Variants in CFAP206 observed in about 807,000 individuals in gnomAD.
CFAP206 encodes the protein cilia and flagella associated protein 206, also known as cilia- and flagella-associated protein 206.
In CFAP206, 53 loss-of-function variants were observed where a neutral mutation model predicts 65.4. The observed-to-expected ratio is 0.81, with a 90% confidence interval of 0.65 to 1.02. The LOEUF is 1.02. Among genes scored for constraint, CFAP206 ranks in the 50% least tolerant of loss-of-function variants. The pLI, the probability that CFAP206 is intolerant of heterozygous loss-of-function variation, is 0.00. For synonymous variants in CFAP206, 250 were observed against 254.4 expected (o/e 0.98, Z 0.17); for missense variants, 663 against 753.2 (o/e 0.88, Z 1.40).
chr6:87,461,195 A>C, intron 12 of CFAP206, 30 bp downstream of exon 12: 4 of 1,438,578 alleles, frequency 2.8e-6, no homozygotes, highest in Non-Finnish European at 3.7e-6. Context: ...AGAATTATTT[A>C]TATGTTGGGG....
At position 87,446,196 on chromosome 6, in the gene CFAP206, CTTTAG is replaced by C. The variant is rs527418592; in HGVS notation, c.1494+11148_1494+11152del. On this transcript the variant is annotated intron_variant, in intron 11 of 12. Coordinates refer to ENST00000369562, the MANE Select transcript of CFAP206 (RefSeq NM_001031743.3). ...TAGTTTATTTTGCTGCGCAGAAGCT[CTTTAG>C]TTTAATTAGATCCCATTCATCAGTT... 8.0e-3 allele frequency among the ~76,000 whole-genome samples: 1,216 copies of C among 152,256 alleles called. 9 individuals carry two copies. The highest frequency in any genetic ancestry group is 0.017 in the Middle Eastern group (5 of 294).
intron 7 of CFAP206, among the ~76,000 whole-genome samples, chr6:87,424,490 G>A (rs1356539558): frequency 2.0e-5 from 3 of 151,970 alleles, no homozygotes; most frequent in Non-Finnish European, 4.4e-5. Context: ...TGTTAGCCAG[G>A]ATGGTCTCGA....
At chr6:87,431,196 G>T in intron 10 of CFAP206, 23 bp downstream of exon 10, 2 of 1,597,162 alleles carry the variant, frequency 1.3e-6, no homozygotes, top group Middle Eastern at 1.7e-4. Context: ...AAATGAGACT[G>T]CTCTCCTTTC....
At chr6:87,418,471 A>G in intron 7 of CFAP206, 55 bp downstream of exon 7, 1 of 1,468,628 alleles carries the variant, frequency 6.8e-7, no homozygotes, top group Non-Finnish European at 9.5e-7. Flanking sequence ...CTCTTTATAT[A>G]AGGCCACATC....
chr6:87,411,711 G>T (rs1402637977), intron 3 of CFAP206, among the ~76,000 whole-genome samples: 1 of 152,002 alleles, frequency 6.6e-6, no homozygotes, highest in Non-Finnish European at 1.5e-5. Flanking sequence ...CATTGGGATG[G>T]GTTTCATTCT....
chr6:87,433,031 G>A (rs1001416221), intron 10 of CFAP206, among the ~76,000 whole-genome samples: 1 of 152,092 alleles, frequency 6.6e-6, no homozygotes, highest in African/African-American at 2.4e-5. Context: ...GCTTTGCCTC[G>A]TTTGCTCCAC....
chr6:87,409,227 CTTT>C (rs71785518), intron 1 of CFAP206, among the ~76,000 whole-genome samples: 1 of 142,930 alleles, frequency 7.0e-6, no homozygotes. Flanking sequence ...ACTGCTTAGC[CTTT>C]TTTTTTTTTT....
intron 10 of CFAP206, 56 bp downstream of exon 10, chr6:87,431,229 G>A: frequency 6.7e-7 from 1 of 1,501,436 alleles, no homozygotes; most frequent in Non-Finnish European, 9.1e-7. Context: ...TTTATATGGA[G>A]TTCTGTCATT....
chr6:87,462,243 A>G (rs2127958359), intron 12 of CFAP206, among the ~76,000 whole-genome samples: 1 of 152,300 alleles, frequency 6.6e-6, no homozygotes, highest in East Asian at 1.9e-4. Flanking sequence ...CCATTTGTAT[A>G]TTCAGTCCCA....
chr6:87,411,123 T>C (rs34144911), intron 3 of CFAP206, among the ~76,000 whole-genome samples: 4,667 of 152,322 alleles, frequency 0.031, 80 homozygotes, highest in Middle Eastern at 0.071. Context: ...TGAGGCTCTG[T>C]TAGTAAGGAA....
intron 11 of CFAP206, chr6:87,441,702 C>T (rs536545605): frequency 1.1e-5 from 2 of 188,438 alleles, no homozygotes; most frequent in African/African-American, 2.4e-5. Flanking sequence ...TCAGAATTCA[C>T]ACATTCCATA....
At chr6:87,442,415 A>T (rs2127954361) in intron 11 of CFAP206, among the ~76,000 whole-genome samples, 1 of 152,204 alleles carries the variant, frequency 6.6e-6, no homozygotes. Context: ...TCACCATTAG[A>T]GAGTAGAGTG....
At chr6:87,449,713 A>C (rs922059125) in intron 11 of CFAP206, among the ~76,000 whole-genome samples, 3 of 152,104 alleles carry the variant, frequency 2.0e-5, no homozygotes, top group African/African-American at 7.2e-5. Flanking sequence ...AGTTCCTTGT[A>C]AGTTCTGGAT....
intron 7 of CFAP206, among the ~76,000 whole-genome samples, chr6:87,423,906 T>G: frequency 6.6e-6 from 1 of 152,350 alleles, no homozygotes; most frequent in South Asian, 2.1e-4. Context: ...TAATAGTTGA[T>G]AGTACTCATG....
chr6:87,438,460 CA>C (rs757336468), intron 11 of CFAP206, among the ~76,000 whole-genome samples: 182 of 110,970 alleles, frequency 1.6e-3, no homozygotes, highest in African/African-American at 2.7e-3. Context: ...ACTCTTGTCT[CA>C]AAAAAAAAAA....
intron 6 of CFAP206, 30 bp from the exon 7 acceptor site, chr6:87,418,178 A>T (rs955806585): frequency 5.6e-6 from 9 of 1,602,798 alleles, no homozygotes; most frequent in Non-Finnish European, 7.7e-6. Flanking sequence ...AGTCTCCTTT[A>T]TGGCTGCCTT....
At chr6:87,420,224 T>C (rs1767915448) in intron 7 of CFAP206, among the ~76,000 whole-genome samples, 1 of 152,238 alleles carries the variant, frequency 6.6e-6, no homozygotes, top group South Asian at 2.1e-4. Flanking sequence ...TTGAAGTGCA[T>C]GTGAGTCCAC....
At chr6:87,456,193 A>G (rs1768638997) in intron 11 of CFAP206, among the ~76,000 whole-genome samples, 1 of 152,226 alleles carries the variant, frequency 6.6e-6, no homozygotes, top group Non-Finnish European at 1.5e-5. Context: ...AGATGCAAGG[A>G]TAGTTCAACA....
In CFAP206 at chr6:87,416,717, C is replaced by G. The variant is rs1767837900; in HGVS notation, c.521C>G (p.Thr174Ser). ...FPQAELGTFL[T>S]LSKKDKERQL... is the part of the protein sequence containing the mutation. ...CAGGCAGAGCTTGGGACATTTCTAA[C>G]TCTTTCTAAGAAGGACAAAGAACGC... Residue 174 changes from threonine (T) to serine (S), a missense_variant, in exon 6 of 13, where the codon ACT becomes AGT. Transcript: ENST00000369562. The G allele has an allele frequency of 6.2e-7, 1 of 1,613,030 alleles. No homozygotes were observed.
Sources: gnomAD v4.1 joint callset for allele counts (sites outside exome capture counted in the v4.1 genomes callset) on GRCh38, gnomAD v4.1.1 for gene constraint, MANE v1.5 for transcripts, NCBI Gene and HGNC (gene_info 2026-07-23, HGNC 2026-07-21) for gene names.